MYCBP2: variants seen among roughly 807,000 people sequenced by gnomAD.
The protein encoded by MYCBP2 is MYC binding protein 2.
In MYCBP2, 120 loss-of-function variants were observed where a neutral mutation model predicts 525.3. The observed-to-expected ratio is 0.23, with a 90% CI of 0.20 to 0.27. The LOEUF (loss-of-function observed/expected upper bound fraction) is 0.27, where lower values mean the gene tolerates loss of function less well. Among genes scored for constraint, MYCBP2 ranks in the 10% least tolerant of loss-of-function variants. MYCBP2 has a pLI of 1.00. For synonymous variants in MYCBP2, 1,894 were observed against 1,955.8 expected (o/e 0.97, Z 0.83); for missense variants, 4,149 against 5,657.1 (o/e 0.73, Z 8.55).
chr13:77,222,376 T>A (rs1446602645), intron 20 of MYCBP2, among the ~76,000 whole-genome samples: 1 of 148,780 alleles, frequency 6.7e-6, no homozygotes, highest in African/African-American at 2.4e-5. Context: ...TTGATAGTAG[T>A]ATCAATTTTA....
At chr13:77,288,514 T>G (rs545038589) in intron 2 of MYCBP2, 138 bp from the exon 3 acceptor site, 4 of 745,494 alleles carry the variant, frequency 5.4e-6, no homozygotes, top group Non-Finnish European at 8.6e-6. Flanking sequence ...AGTCTAAGTC[T>G]ATGGACCCAA....
At chr13:77,106,258 A>C (rs2047831360) in intron 55 of MYCBP2, among the ~76,000 whole-genome samples, 1 of 152,200 alleles carries the variant, frequency 6.6e-6, no homozygotes, top group African/African-American at 2.4e-5. Flanking sequence ...AAATTTCATG[A>C]GTAAAAATTA....
At chr13:77,072,320 A>G (rs2041500183) in intron 68 of MYCBP2, among the ~76,000 whole-genome samples, 1 of 44,398 alleles carries the variant, frequency 2.3e-5, no homozygotes, top group Admixed American at 2.9e-4. Flanking sequence ...AAAAAAAAGA[A>G]ATCAAATGGG....
At chr13:77,171,712 C>G in intron 37 of MYCBP2, 78 bp from the exon 38 acceptor site, 1 of 1,328,000 alleles carries the variant, frequency 7.5e-7, no homozygotes, top group Non-Finnish European at 1.1e-6. Context: ...ATATCTAGAT[C>G]TGAGATCCTC....
intron 61 of MYCBP2, chr13:77,087,908 G>A (rs896568912): frequency 2.0e-5 from 5 of 245,554 alleles, no homozygotes; most frequent in Non-Finnish European, 3.1e-5. Flanking sequence ...AGCCTCCCAA[G>A]TAGCTGGGAC....
At position 77,140,939 on chromosome 13, in the gene MYCBP2, A is replaced by C. The variant is rs1447795799; in HGVS notation, c.7308T>G (p.Ala2436=). ...HVTIDGIEID[A]GLEVKVKDPP... ...GGTCTTTTACTTTTACTTCCAGACC[A>C]GCATCTGTCAGAAAAATCAGAGAAC... The change falls in exon 50 of 83, where the codon GCT becomes GCG. Residue 2436 remains alanine (A), a synonymous_variant. Coordinates refer to ENST00000544440, the MANE Select transcript of MYCBP2 (RefSeq NM_015057.5). The C allele has an allele frequency of 1.9e-6, 3 of 1,599,716 alleles. No individual in the cohort carries two copies.
intron 65 of MYCBP2, among the ~76,000 whole-genome samples, chr13:77,080,096 C>T (rs1028404844): frequency 2.6e-5 from 4 of 152,182 alleles, no homozygotes; most frequent in African/African-American, 9.7e-5. Context: ...TGCTTTGTTA[C>T]ACTTGACTTT....
In MYCBP2 at chr13:77,203,886, A is replaced by G. The variant is rs1437623540; in HGVS notation, c.3843+1370T>C. 7.9e-4 allele frequency among the ~76,000 whole-genome samples: 120 copies of G among 152,122 alleles called. 2 individuals carry two copies. Among genetic ancestry groups the G allele is most frequent in the Non-Finnish European group, 2.8e-4 (19 of 67,916 alleles). The stretch of plus-strand genomic sequence containing the variant: ...GGATCCCTTCCTTACACCTTACACA[A>G]AAATCAATTCAAGATGGATTAAAGA... On this transcript the variant is annotated intron_variant, in intron 26 of 82. Coordinates refer to ENST00000544440, the MANE Select transcript of MYCBP2 (RefSeq NM_015057.5).
intron 61 of MYCBP2, 189 bp from the exon 62 acceptor site, chr13:77,087,822 C>A: frequency 5.7e-6 from 3 of 524,464 alleles, no homozygotes; most frequent in Non-Finnish European, 9.8e-6. Flanking sequence ...GCTCTGTCAC[C>A]CAGGTTGGAG....
intron 72 of MYCBP2, 29 bp downstream of exon 72, chr13:77,065,963 A>C (rs2040134038): frequency 1.3e-6 from 2 of 1,561,738 alleles, no homozygotes; most frequent in South Asian, 2.3e-5. Flanking sequence ...GCCGCACTTC[A>C]CTGCCAAAAC....
chr13:77,057,096 TAAATAA>T lies in MYCBP2; in HGVS notation c.13330-9_13330-4del. The T allele has an allele frequency of 6.2e-7, 1 of 1,600,626 alleles. No homozygotes were observed. ...TGGAATATGTGACTACAATCCAGCT[TAAATAA>T]ACAAAAGAAAAGGACATAAGCAAAT... On this transcript the variant is annotated splice_polypyrimidine_tract_variant and splice_region_variant and intron_variant, in intron 78 of 82. Coordinates refer to ENST00000544440, the MANE Select transcript of MYCBP2 (RefSeq NM_015057.5).
intron 26 of MYCBP2, among the ~76,000 whole-genome samples, chr13:77,198,969 T>G (rs1340137540): frequency 6.6e-6 from 1 of 152,254 alleles, no homozygotes; most frequent in African/African-American, 2.4e-5. Context: ...CTTTCATTTC[T>G]TCCCTTCTTA....
rs1023159369 is a variant in MYCBP2, at chr13:77,058,737, A to C, written c.13141-331T>G. Among the ~76,000 whole-genome samples the C allele has an allele frequency of 2.4e-4, 37 of 152,210 alleles. No homozygotes were observed. The highest frequency in any genetic ancestry group is 4.4e-5 in the Non-Finnish European group (3 of 68,044). ...AGTCGTGGCTTACACCTGTAATCCC[A>C]GCACTTTGGGAGGCTGAGGTGGGCA... On this transcript the variant is annotated intron_variant, in intron 77 of 82. Transcript: ENST00000544440. This position sits in a 1 kb window ranked among gnomAD's most constrained non-coding sequence, Gnocchi z 4.1.
chr13:77,259,273 A>G (rs915125658), intron 13 of MYCBP2, among the ~76,000 whole-genome samples: 2 of 152,014 alleles, frequency 1.3e-5, no homozygotes, highest in Non-Finnish European at 2.9e-5. Context: ...TCAAAAAAAA[A>G]AAGTGTTGGT....
At chr13:77,324,797 A>C (rs1051437044) in intron 1 of MYCBP2, among the ~76,000 whole-genome samples, 14 of 152,248 alleles carry the variant, frequency 9.2e-5, no homozygotes, top group South Asian at 8.3e-4. Context: ...AGGAAGTCAA[A>C]ACAGGAATAT....
At chr13:77,174,606 T>C (rs1214459610) in intron 36 of MYCBP2, 117 bp from the exon 37 acceptor site, 4 of 735,972 alleles carry the variant, frequency 5.4e-6, no homozygotes, top group South Asian at 4.2e-5. Context: ...TTACAGATGA[T>C]ATAATTAAAT....
At chr13:77,097,040 A>G (rs1391357209) in intron 56 of MYCBP2, among the ~76,000 whole-genome samples, 2 of 152,166 alleles carry the variant, frequency 1.3e-5, no homozygotes, top group Non-Finnish European at 2.9e-5. Context: ...GAAAATAGTA[A>G]AATCAAAGGA....
chr13:77,252,311 A>AGGACC (rs1309596849), intron 14 of MYCBP2, among the ~76,000 whole-genome samples: 1 of 152,184 alleles, frequency 6.6e-6, no homozygotes, highest in East Asian at 1.9e-4. Context: ...TTTAGCTTAG[A>AGGACC]GGGCTATATA....
chr13:77,093,553 T>C (rs2045770141), intron 58 of MYCBP2, among the ~76,000 whole-genome samples: 1 of 152,220 alleles, frequency 6.6e-6, no homozygotes, highest in African/African-American at 2.4e-5. Context: ...TTGAACTCAG[T>C]TTCTTTCCTT....
Sources: allele counts gnomAD v4.1 joint callset (sites outside exome capture counted in the v4.1 genomes callset), GRCh38; gene constraint gnomAD v4.1.1; non-coding constraint Gnocchi (gnomAD v3.1); transcripts MANE v1.5; gene names NCBI Gene and HGNC (gene_info 2026-07-23, HGNC 2026-07-21).